C2CD4C: variants seen among roughly 807,000 people sequenced by gnomAD.
The protein encoded by C2CD4C is C2 calcium-dependent domain-containing protein 4C.
A neutral mutation model predicts 4.1 loss-of-function variants in C2CD4C; 3 were observed. That is an observed-to-expected ratio of 0.73 (90% CI 0.33 to 1.88). The LOEUF is 1.88. Ranked by LOEUF, C2CD4C falls within the 40% of genes most tolerant of loss-of-function variation. C2CD4C has a pLI of 0.08. For missense variants in C2CD4C, 664 were observed against 621.5 expected (o/e 1.07, Z -0.73); for synonymous variants, 364 against 290.4 (o/e 1.25, Z -2.57).
In C2CD4C at chr19:407,401, G is replaced by A. The variant is rs891754614; in HGVS notation, c.961C>T (p.Arg321Cys). ...GCGGCCAGCAGGTGCACCCGCAGGC[G>A]GGCCTGGCCGGCCTCGTACTCGGCC... ...LLAEYEAGQA[R>C]LRVHLLAAEG... is the part of the protein sequence containing the mutation. The change falls in exon 2 of 2, where the codon CGC (arginine) becomes TGC (cysteine). Residue 321 changes from arginine (R) to cysteine (C), a missense_variant. Transcript: ENST00000332235. 2.1e-5 allele frequency: 32 copies of A among 1,534,058 alleles called. No homozygotes were observed. The highest frequency in any genetic ancestry group is 1.7e-4 in the Middle Eastern group (1 of 5,744).
At position 406,980 on chromosome 19, in the gene C2CD4C, G is replaced by GCCCCCACCCCCCCC; in HGVS notation, c.*115_*116insGGGGGGGGTGGGGG. The GCCCCCACCCCCCCC allele has an allele frequency of 1.6e-6, 1 of 636,472 alleles. No homozygotes were observed. The highest frequency in any genetic ancestry group is 2.5e-6 in the Non-Finnish European group (1 of 397,138). The allele number at this position is 636,472 out of a possible 1,614,324, so 39.4% of individuals were successfully genotyped here. A position where few individuals can be genotyped will look rare whatever the true frequency, so the allele number is the denominator to read the frequency against. Reference sequence around the variant, plus strand: ...AGCGCCCAGCCCAGCCTGAGTGTGAGCCCCTCCCCGGCCAGCCCCAGCCCA... The same window carrying GCCCCCACCCCCCCC: ...AGCGCCCAGCCCAGCCTGAGTGTGAGCCCCCACCCCCCCCCCCCTCCCCGGCCAGCCCCAGCCCA... On this transcript the variant is annotated 3_prime_UTR_variant, in exon 2 of 2. Transcript: ENST00000332235.
In C2CD4C at chr19:407,855, C is replaced by T. The variant is rs1483397052; in HGVS notation, c.507G>A (p.Glu169=). The change falls in exon 2 of 2, where the codon GAG becomes GAA. Residue 169 remains glutamate (E), a synonymous_variant. Coordinates refer to ENST00000332235, the MANE Select transcript of C2CD4C (RefSeq NM_001136263.2). Reference sequence around the variant, plus strand: ...AGCCCACCTGGGCCAGAGCCCCGTGCTCACTGTGGAACAGAGACTCCTTGC... The same window carrying T: ...AGCCCACCTGGGCCAGAGCCCCGTGTTCACTGTGGAACAGAGACTCCTTGC... ...TRRKESLFHS[E]HGALAQVGSP... is the part of the protein sequence containing the mutation. The T allele has an allele frequency of 1.3e-6, 2 of 1,548,476 alleles. No individual in the cohort carries two copies. The highest frequency in any genetic ancestry group is 1.2e-5 in the South Asian group (1 of 83,950).
In C2CD4C at chr19:406,927, C is replaced by G; in HGVS notation, c.*169G>C. 9.9e-6 allele frequency: 6 copies of G among 604,224 alleles called. No individual in the cohort carries two copies. The highest frequency in any genetic ancestry group is 1.7e-5 in the Non-Finnish European group (6 of 353,860). 37.4% of individuals were successfully genotyped at this position (604,224 alleles called of 1,614,324 possible). On this transcript the variant is annotated 3_prime_UTR_variant, in exon 2 of 2. Coordinates refer to ENST00000332235, the MANE Select transcript of C2CD4C (RefSeq NM_001136263.2). Reference sequence around the variant, plus strand: ...ATACTCCAGTCAGCATCGGGTGACCCAGGAAACCCTGCGTCAGCTACAGCA... The same window carrying G: ...ATACTCCAGTCAGCATCGGGTGACCGAGGAAACCCTGCGTCAGCTACAGCA...
At chr19:408,464 G>A (rs1356111482) in intron 1 of C2CD4C, 63 bp from the exon 2 acceptor site, 3 of 1,008,128 alleles carry the variant, frequency 3.0e-6, no homozygotes, top group Admixed American at 6.8e-5. Context: ...CTGGGCACCT[G>A]CTCCCTGTGG....
At position 407,437 on chromosome 19, in the gene C2CD4C, C is replaced by T. The variant is rs759957542; in HGVS notation, c.925G>A (p.Val309Met). The stretch of plus-strand genomic sequence containing the variant: ...GCCTCGTACTCGGCCAGCAGCCGCA[C>T]GCTGCCCCGAGGGCCCACGTGGACC... Reference protein sequence around the residue: ...HTVHVGPRGSVRLLAEYEAGQ... With the variant: ...HTVHVGPRGSMRLLAEYEAGQ... The change falls in exon 2 of 2, where the codon GTG becomes ATG. Residue 309 changes from valine to methionine, a missense_variant. Coordinates refer to ENST00000332235, the MANE Select transcript of C2CD4C (RefSeq NM_001136263.2). 12 of 1,491,050 alleles carry T rather than the reference C, an allele frequency of 8.0e-6. No homozygotes were observed. The highest frequency in any genetic ancestry group is 7.0e-5 in the African/African-American group (5 of 71,198). The allele number at this position is 1,491,050 out of a possible 1,614,324, so 92.4% of individuals were successfully genotyped here. A position where few individuals can be genotyped will look rare whatever the true frequency, so the allele number is the denominator to read the frequency against.
Position 406,988 on chromosome 19 carries a change from C to T in C2CD4C, c.*108G>A. The T allele has an allele frequency of 1.4e-6, 1 of 719,448 alleles. No homozygotes were observed. The highest frequency in any genetic ancestry group is 2.1e-6 in the Non-Finnish European group (1 of 469,128). The allele number at this position is 719,448 out of a possible 1,614,324, so 44.6% of individuals were successfully genotyped here. A position where few individuals can be genotyped will look rare whatever the true frequency, so the allele number is the denominator to read the frequency against. ...GCCCAGCCTGAGTGTGAGCCCCTCCCCGGCCAGCCCCAGCCCAAGCCAGCG... is the reference window on the plus strand; with the variant it reads ...GCCCAGCCTGAGTGTGAGCCCCTCCTCGGCCAGCCCCAGCCCAAGCCAGCG... On this transcript the variant is annotated 3_prime_UTR_variant, in exon 2 of 2. Coordinates refer to ENST00000332235, the MANE Select transcript of C2CD4C (RefSeq NM_001136263.2).
rs1227485515 is a variant in C2CD4C at position 407,946 on chromosome 19, G to A, written c.416C>T (p.Pro139Leu). ...GGACGTCTGGGCCTTGGGCACCGAG[G>A]GCAGGGACATGGCACCCTGGGCCTG... ...DPQAQGAMSL[P>L]SVPKAQTSYG... Residue 139 changes from proline to leucine, a missense_variant, in exon 2 of 2, where the codon CCC becomes CTC. Coordinates refer to ENST00000332235, the MANE Select transcript of C2CD4C (RefSeq NM_001136263.2). The A allele has an allele frequency of 1.9e-6, 3 of 1,548,894 alleles. No homozygotes were observed. Among genetic ancestry groups the A allele is most frequent in the Non-Finnish European group, 2.6e-6 (3 of 1,146,428 alleles).
chr19:406,983 C>CCAA lies in C2CD4C; in HGVS notation c.*112_*113insTTG. Reference sequence around the variant, plus strand: ...GCCCAGCCCAGCCTGAGTGTGAGCCCCTCCCCGGCCAGCCCCAGCCCAAGC... The same window carrying CCAA: ...GCCCAGCCCAGCCTGAGTGTGAGCCCCAACTCCCCGGCCAGCCCCAGCCCAAGC... On this transcript the variant is annotated 3_prime_UTR_variant, in exon 2 of 2. Coordinates refer to ENST00000332235, the MANE Select transcript of C2CD4C (RefSeq NM_001136263.2). 3.0e-6 allele frequency: 2 copies of CCAA among 658,474 alleles called. No homozygotes were observed. Among genetic ancestry groups the CCAA allele is most frequent in the East Asian group, 3.6e-5 (1 of 27,872 alleles). The allele number at this position is 658,474 out of a possible 1,614,324, so 40.8% of individuals were successfully genotyped here. A position where few individuals can be genotyped will look rare whatever the true frequency, so the allele number is the denominator to read the frequency against.
chr19:407,658 G>C lies in C2CD4C; in HGVS notation c.704C>G (p.Ser235Cys), dbSNP rs1417247594. Reference protein sequence around the residue: ...SPFGSPLLSRSVSLLKGFAQD... With the variant: ...SPFGSPLLSRCVSLLKGFAQD... ...GGCGAAACCTTTGAGCAGAGACACGGAGCGGGACAGCAGAGGGGACCCGAA... is the reference window on the plus strand; with the variant it reads ...GGCGAAACCTTTGAGCAGAGACACGCAGCGGGACAGCAGAGGGGACCCGAA... Residue 235 changes from serine to cysteine, a missense_variant, in exon 2 of 2, where the codon TCC (serine) becomes TGC (cysteine). Coordinates refer to ENST00000332235, the MANE Select transcript of C2CD4C (RefSeq NM_001136263.2). The C allele has an allele frequency of 6.6e-7, 1 of 1,520,328 alleles. No homozygotes were observed. Among genetic ancestry groups the C allele is most frequent in the Non-Finnish European group, 8.8e-7 (1 of 1,133,324 alleles). 94.2% of individuals were successfully genotyped at this position (1,520,328 alleles called of 1,614,324 possible).
At position 407,872 on chromosome 19, in the gene C2CD4C, A is replaced by C. The variant is rs1300365955; in HGVS notation, c.490T>G (p.Ser164Ala). 8 of 1,548,574 alleles carry C rather than the reference A, an allele frequency of 5.2e-6. No homozygotes were observed. Among genetic ancestry groups the C allele is most frequent in the African/African-American group, 1.4e-5 (1 of 72,828 alleles). ...GCCCCGTGCTCACTGTGGAACAGAG[A>C]CTCCTTGCGCCTCGTGTGGGGGCTC... ...AESPHTRRKE[S>A]LFHSEHGALA... Residue 164 changes from serine to alanine, a missense_variant, in exon 2 of 2, where the codon TCT becomes GCT. Ser to Ala is a moderately conservative substitution (Grantham distance 99). Transcript: ENST00000332235.
At position 406,776 on chromosome 19, in the gene C2CD4C, G is replaced by C. The variant is rs1210111796; in HGVS notation, c.*320C>G. 1 of 309,838 alleles carries C rather than the reference G, an allele frequency of 3.2e-6. No homozygotes were observed. The highest frequency in any genetic ancestry group is 5.9e-5 in the South Asian group (1 of 16,988). 19.2% of individuals were successfully genotyped at this position (309,838 alleles called of 1,614,324 possible). A position where few individuals can be genotyped will look rare whatever the true frequency, so the allele number is the denominator to read the frequency against. On this transcript the variant is annotated 3_prime_UTR_variant, in exon 2 of 2. Transcript: ENST00000332235. ...CCTCCTTCTAGAACTCTGCGTGAAA[G>C]GCGCGAGGCAGTGTGGAGGGGCAAA...
chr19:407,618 G>A lies in C2CD4C; in HGVS notation c.744C>T (p.Ala248=), dbSNP rs190268278. The change falls in exon 2 of 2, where the codon GCC becomes GCT. Residue 248 remains alanine (A), a synonymous_variant. Transcript: ENST00000332235. ...CGGAGTGCCGGAGCTGGCTCACCTT[G>A]GCCTGGCTGTCCTGGGCGAAACCTT... ...LLKGFAQDSQ[A]KVSQLRHSVG... is the part of the protein sequence containing the mutation. 1.5e-4 allele frequency: 219 copies of A among 1,455,124 alleles called. 3 individuals carry two copies. In the Admixed American group the frequency reaches 5.6e-3, roughly 37 times the overall value. The allele number at this position is 1,455,124 out of a possible 1,614,324, so 90.1% of individuals were successfully genotyped here.
In C2CD4C at chr19:407,321, G is replaced by A. The variant is rs929535096; in HGVS notation, c.1041C>T (p.Gly347=). 6.5e-7 allele frequency: 1 copy of A among 1,549,288 alleles called. No individual in the cohort carries two copies. The highest frequency in any genetic ancestry group is 2.0e-5 in the Admixed American group (1 of 51,006). The change falls in exon 2 of 2, where the codon GGC becomes GGT. Residue 347 remains glycine, a synonymous_variant. Transcript: ENST00000332235. ...GCAGCTTGCCCGGCACCAGGCACAG[G>A]CCCACGCAGCAGTTGATGCTGCGGG... The part of the protein sequence containing the change: ...CDARSINCCV[G]LCLVPGKLQK...
chr19:407,635 C>T lies in C2CD4C; in HGVS notation c.727G>A (p.Ala243Thr), dbSNP rs1436143833. The T allele has an allele frequency of 4.1e-6, 6 of 1,475,806 alleles. No homozygotes were observed. The highest frequency in any genetic ancestry group is 5.4e-6 in the Non-Finnish European group (6 of 1,112,670). The allele number at this position is 1,475,806 out of a possible 1,614,324, so 91.4% of individuals were successfully genotyped here. The change falls in exon 2 of 2, where the codon GCC (alanine) becomes ACC (threonine). Residue 243 changes from alanine (A) to threonine (T), a missense_variant. Ala to Thr is a moderately conservative substitution (Grantham distance 58, BLOSUM62 0). Transcript: ENST00000332235. ...CTCACCTTGGCCTGGCTGTCCTGGG[C>T]GAAACCTTTGAGCAGAGACACGGAG... is the stretch of plus-strand genomic sequence containing the variant. ...SRSVSLLKGF[A>T]QDSQAKVSQL...
Position 408,160 on chromosome 19 carries a change from C to A in C2CD4C, c.202G>T (p.Ala68Ser), listed in dbSNP as rs932064316. The A allele has an allele frequency of 6.9e-7, 1 of 1,451,944 alleles. No individual in the cohort carries two copies. Among genetic ancestry groups the A allele is most frequent in the Non-Finnish European group, 9.1e-7 (1 of 1,101,860 alleles). The allele number at this position is 1,451,944 out of a possible 1,614,324, so 89.9% of individuals were successfully genotyped here. The change falls in exon 2 of 2, where the codon GCG (alanine) becomes TCG (serine). Residue 68 changes from alanine (A) to serine (S), a missense_variant. Physicochemically the swap from Ala to Ser is moderately conservative, Grantham distance 99. Coordinates refer to ENST00000332235, the MANE Select transcript of C2CD4C (RefSeq NM_001136263.2). The stretch of plus-strand genomic sequence containing the variant: ...TGTTCCGACGTGGAGGGGCCCAGCG[C>A]GGCCTGTCCCTCGCCCTCCGCGGGG... ...SGPAEGEGQA[A>S]LGPSTSEQNL...
intron 1 of C2CD4C, among the ~76,000 whole-genome samples, chr19:408,666 A>G (rs562757963): frequency 1.3e-5 from 2 of 152,120 alleles, no homozygotes; most frequent in Admixed American, 1.3e-4. Context: ...GGGAGCTCCC[A>G]GAGGAGACTG....
rs760027308 is a variant in C2CD4C, at chr19:407,942, C to T, written c.420G>A (p.Ser140=). ...PQAQGAMSLP[S]VPKAQTSYGF... ...CGTAGGACGTCTGGGCCTTGGGCAC[C>T]GAGGGCAGGGACATGGCACCCTGGG... is the stretch of plus-strand genomic sequence containing the variant. The change falls in exon 2 of 2, where the codon TCG becomes TCA. Residue 140 remains serine, a synonymous_variant. Transcript: ENST00000332235. 3.2e-6 allele frequency: 5 copies of T among 1,548,400 alleles called. No homozygotes were observed. Among genetic ancestry groups the T allele is most frequent in the African/African-American group, 1.4e-5 (1 of 72,900 alleles).
In C2CD4C at chr19:407,671, G is replaced by A. The variant is rs1974013753; in HGVS notation, c.691C>T (p.Leu231=). The A allele has an allele frequency of 2.0e-6, 3 of 1,531,190 alleles. No individual in the cohort carries two copies. The highest frequency in any genetic ancestry group is 1.8e-6 in the Non-Finnish European group (2 of 1,137,928). The allele number at this position is 1,531,190 out of a possible 1,614,324, so 94.9% of individuals were successfully genotyped here. ...AGCAGAGACACGGAGCGGGACAGCA[G>A]AGGGGACCCGAAGGGGGAGGACTCG... The part of the protein sequence containing the change: ...SAESSPFGSP[L]LSRSVSLLKG... Residue 231 remains leucine, a synonymous_variant, in exon 2 of 2, where the codon CTG becomes TTG. Transcript: ENST00000332235.
rs748267755 is a variant in C2CD4C at position 407,050 on chromosome 19, G to A, written c.*46C>T. On this transcript the variant is annotated 3_prime_UTR_variant, in exon 2 of 2. Coordinates refer to ENST00000332235, the MANE Select transcript of C2CD4C (RefSeq NM_001136263.2). ...CAGCACCCGGTGTGGAGGAGAGACC[G>A]GGGTCTGCCCTCTGCACCCGAGCGG... 69 of 1,285,954 alleles carry A rather than the reference G, an allele frequency of 5.4e-5. No homozygotes were observed. The highest frequency in any genetic ancestry group is 6.1e-5 in the Non-Finnish European group (60 of 988,826). 79.7% of individuals were successfully genotyped at this position (1,285,954 alleles called of 1,614,324 possible).
Sources: allele counts gnomAD v4.1 joint callset (sites outside exome capture counted in the v4.1 genomes callset), GRCh38; gene constraint gnomAD v4.1.1; transcripts MANE v1.5; gene names NCBI Gene and HGNC (gene_info 2026-07-23, HGNC 2026-07-21).